ARSB: variants seen among roughly 807,000 people sequenced by gnomAD.
ARSB encodes N-acetylgalactosamine-4-sulfatase.
A neutral mutation model predicts 50.9 loss-of-function variants in ARSB; 41 were observed. That is an observed-to-expected ratio of 0.81 (90% CI 0.63 to 1.04). ARSB has a LOEUF of 1.04. Ranked by LOEUF, ARSB falls within the 50% of genes least tolerant of loss-of-function variation. ARSB has a pLI of 0.00. For missense variants in ARSB, 672 were observed against 693.3 expected (o/e 0.97, Z 0.35); for synonymous variants, 269 against 284.8 (o/e 0.94, Z 0.56).
rs577031389 is a variant in ARSB at position 78,969,908 on chromosome 5, C to T, written c.313-716G>A. 2.0e-4 allele frequency among the ~76,000 whole-genome samples: 30 copies of T among 152,318 alleles called. No individual in the cohort carries two copies. In the South Asian group the frequency reaches 2.5e-3, roughly 13 times the overall value. ...TGTTGGGATTACAGGCTTAAGCCAC[C>T]GTGCCTGGCTGAGTTATTTAACAGT... is the stretch of plus-strand genomic sequence containing the variant. On this transcript the variant is annotated intron_variant, in intron 1 of 7. Transcript: ENST00000264914.
At chr5:78,801,420 G>A (rs1743389896) in intron 6 of ARSB, among the ~76,000 whole-genome samples, 2 of 152,190 alleles carry the variant, frequency 1.3e-5, no homozygotes. Context: ...AAAAAGGACT[G>A]CTAGGTCTGG....
rs78787268 is a variant in ARSB, at chr5:78,934,990, C to G, written c.898+20305G>C. ...GCATTCATCACTTTAAACAAAATGA[C>G]CTTTAAGCATCACATTTAATTTTTG... On this transcript the variant is annotated intron_variant, in intron 4 of 7. Coordinates refer to ENST00000264914, the MANE Select transcript of ARSB (RefSeq NM_000046.5). Among the ~76,000 whole-genome samples the G allele has an allele frequency of 1.1e-3, 163 of 151,938 alleles. 2 individuals are homozygous for G. Among genetic ancestry groups the G allele is most frequent in the African/African-American group, 3.8e-3 (159 of 41,424 alleles).
chr5:78,863,722 A>G (rs1016385477), intron 5 of ARSB, among the ~76,000 whole-genome samples: 1 of 152,094 alleles, frequency 6.6e-6, no homozygotes, highest in Admixed American at 6.5e-5. Context: ...AAACCTGCAC[A>G]TTGTGCACAT....
intron 4 of ARSB, among the ~76,000 whole-genome samples, chr5:78,953,096 G>A (rs1237926931): frequency 1.3e-5 from 2 of 152,146 alleles, no homozygotes; most frequent in African/African-American, 2.4e-5. Context: ...AGTAAGTTTT[G>A]GGAGAAAAAC....
At chr5:78,932,703 T>C (rs1448357237) in intron 4 of ARSB, among the ~76,000 whole-genome samples, 1 of 152,240 alleles carries the variant, frequency 6.6e-6, no homozygotes. Flanking sequence ...AAATTGGGGA[T>C]AATAGTAGTA....
At chr5:78,976,274 GCTA>G (rs1752658066) in intron 1 of ARSB, among the ~76,000 whole-genome samples, 6 of 144,326 alleles carry the variant, frequency 4.2e-5, no homozygotes, top group Admixed American at 2.1e-4. Context: ...TTAAAAACAG[GCTA>G]CTTTTTTTTT....
chr5:78,934,574 G>C (rs1750497452), intron 4 of ARSB, among the ~76,000 whole-genome samples: 1 of 152,148 alleles, frequency 6.6e-6, no homozygotes, highest in Non-Finnish European at 1.5e-5. Flanking sequence ...TGGATTGCCT[G>C]AGGCTAGGAG....
intron 5 of ARSB, among the ~76,000 whole-genome samples, chr5:78,856,482 G>A (rs1746147453): frequency 6.6e-6 from 1 of 152,144 alleles, no homozygotes; most frequent in African/African-American, 2.4e-5. Flanking sequence ...TTAGTACCTT[G>A]AACACAAAGC....
intron 4 of ARSB, among the ~76,000 whole-genome samples, chr5:78,948,597 AG>A (rs1285243201): frequency 2.0e-5 from 3 of 152,212 alleles, no homozygotes; most frequent in Non-Finnish European, 4.4e-5. Context: ...CATGGAAAGC[AG>A]AATAATTAAA....
chr5:78,807,125 G>A (rs1038859621), intron 6 of ARSB, among the ~76,000 whole-genome samples: 2 of 152,042 alleles, frequency 1.3e-5, no homozygotes, highest in African/African-American at 4.8e-5. Flanking sequence ...GAGGGTGGTA[G>A]AAATAAGGCC....
chr5:78,787,268 A>C (rs1749117252), intron 6 of ARSB, among the ~76,000 whole-genome samples: 1 of 152,200 alleles, frequency 6.6e-6, no homozygotes, highest in South Asian at 2.1e-4. Flanking sequence ...TTCTTATGCC[A>C]GTACCACACT....
intron 5 of ARSB, among the ~76,000 whole-genome samples, chr5:78,860,632 G>A (rs1227303896): frequency 6.6e-6 from 1 of 152,174 alleles, no homozygotes; most frequent in East Asian, 1.9e-4. Context: ...GAAATCTATA[G>A]CACTAAATGC....
At chr5:78,900,913 C>T (rs899067300) in intron 4 of ARSB, among the ~76,000 whole-genome samples, 1 of 151,970 alleles carries the variant, frequency 6.6e-6, no homozygotes, top group African/African-American at 2.4e-5. Flanking sequence ...GTAGCGGGCG[C>T]CTGTAGTGCC....
Position 78,984,612 on chromosome 5 carries a change from G to A in ARSB, c.312+325C>T, listed in dbSNP as rs560497652. On this transcript the variant is annotated intron_variant, in intron 1 of 7. Coordinates refer to ENST00000264914, the MANE Select transcript of ARSB (RefSeq NM_000046.5). Reference sequence around the variant, plus strand: ...CAGCCTCCCACCTCAGGACCGCTCCGCCTGCCGGCCGCGGCGCCCAGCACC... The same window carrying A: ...CAGCCTCCCACCTCAGGACCGCTCCACCTGCCGGCCGCGGCGCCCAGCACC... 6.8e-4 allele frequency among the ~76,000 whole-genome samples: 103 copies of A among 152,304 alleles called. No individual in the cohort carries two copies. In the South Asian group the frequency reaches 9.7e-3, roughly 14 times the overall value.
intron 2 of ARSB, among the ~76,000 whole-genome samples, chr5:78,968,783 G>A (rs1347694890): frequency 6.6e-6 from 1 of 152,214 alleles, no homozygotes; most frequent in Non-Finnish European, 1.5e-5. Flanking sequence ...AAGGCCCTAA[G>A]GTGGCATTTA....
intron 6 of ARSB, among the ~76,000 whole-genome samples, chr5:78,832,946 C>CTATG (rs1744756380): frequency 6.6e-6 from 1 of 152,140 alleles, no homozygotes; most frequent in African/African-American, 2.4e-5. Context: ...TTCCAGCCAT[C>CTATG]ATAGAATGCC....
At chr5:78,900,489 T>C (rs1244440640) in intron 4 of ARSB, among the ~76,000 whole-genome samples, 1 of 152,060 alleles carries the variant, frequency 6.6e-6, no homozygotes, top group Non-Finnish European at 1.5e-5. Flanking sequence ...ACATGCTTGG[T>C]GCTGAAAGAA....
At chr5:78,983,242 C>A (rs576058658) in intron 1 of ARSB, among the ~76,000 whole-genome samples, 1 of 152,176 alleles carries the variant, frequency 6.6e-6, no homozygotes, top group East Asian at 1.9e-4. Context: ...TTAGTAGAGA[C>A]GGGGTTTCGC....
At position 78,895,165 on chromosome 5, in the gene ARSB, AT is replaced by A. The variant is rs1375761538; in HGVS notation, c.899-9339del. On this transcript the variant is annotated intron_variant, in intron 4 of 7. Transcript: ENST00000264914. The stretch of plus-strand genomic sequence containing the variant: ...CAGTCTCAGACGCAATTCTAGCAAT[AT>A]GTGCGGTGTCTGGTGTCCTAATTTT... Among the ~76,000 whole-genome samples, 3 of 152,364 alleles carry A rather than the reference AT, an allele frequency of 2.0e-5. No individual in the cohort carries two copies. The East Asian group carries it at 5.8e-4, about 29-fold the overall frequency.
Sources: gnomAD v4.1 joint callset for allele counts (sites outside exome capture counted in the v4.1 genomes callset) on GRCh38, gnomAD v4.1.1 for gene constraint, MANE v1.5 for transcripts, NCBI Gene and HGNC (gene_info 2026-07-23, HGNC 2026-07-21) for gene names.